The following LAMA2 variants were observed in gnomAD, a reference collection of about 807,000 sequenced individuals.
The protein encoded by LAMA2 is laminin subunit alpha 2.
Under a neutral mutation model 364.8 loss-of-function variants are expected in LAMA2, and 269 were observed. That is an observed-to-expected ratio of 0.74 (90% CI 0.67 to 0.82). LAMA2 has a LOEUF of 0.82. LAMA2 is among the 40% of genes least tolerant of loss of function. The probability of loss-of-function intolerance (pLI) is 0.00; values close to 1 mark genes in which losing one functional copy is unlikely to be tolerated. For missense variants in LAMA2, 3,807 were observed against 3,873.2 expected (o/e 0.98, Z 0.45); for synonymous variants, 1,379 against 1,370.6 (o/e 1.01, Z -0.14).
At chr6:129,494,359 G>A (rs190788193) in intron 58 of LAMA2, among the ~76,000 whole-genome samples, 1 of 152,322 alleles carries the variant, frequency 6.6e-6, no homozygotes, top group East Asian at 1.9e-4. Context: ...TTTACTCCAA[G>A]CATCCTTTCA....
At chr6:129,268,811 TA>T (rs766809012) in intron 16 of LAMA2, among the ~76,000 whole-genome samples, 1 of 152,058 alleles carries the variant, frequency 6.6e-6, no homozygotes, top group Non-Finnish European at 1.5e-5. Context: ...TTTTCCATCA[TA>T]GCTAGTAAAT....
intron 12 of LAMA2, among the ~76,000 whole-genome samples, chr6:129,230,948 G>A (rs1212697840): frequency 6.6e-6 from 1 of 152,016 alleles, no homozygotes; most frequent in East Asian, 1.9e-4. Flanking sequence ...GACTATACAA[G>A]GCCTTAGAGG....
intron 8 of LAMA2, among the ~76,000 whole-genome samples, chr6:129,160,966 C>T (rs1044888551): frequency 2.6e-5 from 4 of 152,052 alleles, no homozygotes; most frequent in African/African-American, 9.7e-5. Flanking sequence ...TCTTGGCAAA[C>T]AAATAAATGT....
At chr6:129,218,609 GA>G (rs1295501417) in intron 12 of LAMA2, among the ~76,000 whole-genome samples, 1 of 152,022 alleles carries the variant, frequency 6.6e-6, no homozygotes, top group East Asian at 1.9e-4. Context: ...TGTACTTTCT[GA>G]AAATTGACTA....
At chr6:128,955,221 A>G (rs754665477) in intron 1 of LAMA2, among the ~76,000 whole-genome samples, 3 of 151,976 alleles carry the variant, frequency 2.0e-5, no homozygotes, top group Admixed American at 6.6e-5. Flanking sequence ...TGGATAGGGC[A>G]TTTATTACAT....
At chr6:129,492,167 T>C in intron 57 of LAMA2, 90 bp downstream of exon 57, 4 of 1,412,122 alleles carry the variant, frequency 2.8e-6, no homozygotes, top group South Asian at 1.2e-5. Flanking sequence ...TCTACAGCTA[T>C]GCAGGGGAGG....
chr6:129,091,761 TA>T (rs946096154), intron 3 of LAMA2, among the ~76,000 whole-genome samples: 2 of 152,232 alleles, frequency 1.3e-5, no homozygotes, highest in African/African-American at 4.8e-5. Flanking sequence ...TAAGGGGACA[TA>T]AAACTCACAC....
At chr6:129,019,098 T>C (rs1785255746) in intron 1 of LAMA2, among the ~76,000 whole-genome samples, 1 of 152,020 alleles carries the variant, frequency 6.6e-6, no homozygotes, top group South Asian at 2.1e-4. Flanking sequence ...GGATCTACCT[T>C]GTCAGGGATC....
chr6:128,976,211 G>T (rs1272098468), intron 1 of LAMA2, among the ~76,000 whole-genome samples: 1 of 152,162 alleles, frequency 6.6e-6, no homozygotes, highest in African/African-American at 2.4e-5. Context: ...GAGGAAGAAG[G>T]CTCTAGGCAT....
intron 1 of LAMA2, among the ~76,000 whole-genome samples, chr6:129,048,493 T>TTTCCTTCCTTCCTTCCTTCCTTCCTTCC (rs1300484688): frequency 1.9e-5 from 1 of 51,306 alleles, no homozygotes; most frequent in African/African-American, 7.6e-5. Flanking sequence ...TCTTTCTTTC[T>TTTCCTTCCTTCCTTCCTTCCTTCCTTCC]TTCCTTCCTT....
At chr6:129,185,329 T>C (rs1781163201) in intron 10 of LAMA2, among the ~76,000 whole-genome samples, 1 of 151,582 alleles carries the variant, frequency 6.6e-6, no homozygotes, top group African/African-American at 2.4e-5. Flanking sequence ...AAAAAGAAAA[T>C]TGATGTCAAC....
At chr6:129,420,588 AC>A (rs1427239461) in intron 40 of LAMA2, among the ~76,000 whole-genome samples, 1 of 152,196 alleles carries the variant, frequency 6.6e-6, no homozygotes, top group Non-Finnish European at 1.5e-5. Context: ...ATTTTTAGTT[AC>A]TACTGTCTTT....
At chr6:129,402,226 AAC>A in intron 38 of LAMA2, 96 bp from the exon 39 acceptor site, 14 of 927,150 alleles carry the variant, frequency 1.5e-5, no homozygotes, top group Non-Finnish European at 1.9e-5. Context: ...AAAAAAAAAA[AAC>A]TAAACTAAAC....
At chr6:129,337,949 A>G (rs1237670000) in intron 29 of LAMA2, among the ~76,000 whole-genome samples, 1 of 152,152 alleles carries the variant, frequency 6.6e-6, no homozygotes, top group Non-Finnish European at 1.5e-5. Flanking sequence ...AAAGTTTCAA[A>G]AAGAGGCTCC....
intron 12 of LAMA2, among the ~76,000 whole-genome samples, chr6:129,219,886 G>A (rs1180499842): frequency 6.7e-6 from 1 of 150,278 alleles, no homozygotes; most frequent in Admixed American, 6.6e-5. Flanking sequence ...GAGTTAATGG[G>A]TGCAGCACAC....
chr6:129,290,008 A>C (rs903052945), intron 19 of LAMA2, among the ~76,000 whole-genome samples: 8 of 152,284 alleles, frequency 5.3e-5, no homozygotes, highest in Admixed American at 2.0e-4. Context: ...AGATTTGTTC[A>C]AGAAAAGTAC....
In LAMA2 at chr6:129,516,231, C is replaced by T. The variant is rs121913571; in HGVS notation, c.9253C>T (p.Arg3085Ter). Residue 3085 changes from arginine to a stop codon, truncating the protein, a stop_gained, in exon 65 of 65, where the codon CGA becomes TGA. Coordinates refer to ENST00000421865, the MANE Select transcript of LAMA2 (RefSeq NM_000426.4). LOFTEE classifies it high-confidence loss of function. Reference sequence around the variant, plus strand: ...TGGCCTAACAACCAGTATTCCGTTCCGAGGTTGCATCAGATCCCTGAAGCT... The same window carrying T: ...TGGCCTAACAACCAGTATTCCGTTCTGAGGTTGCATCAGATCCCTGAAGCT... ...QFGLTTSIPF[R>*]GCIRSLKLTK... 7 of 1,614,050 alleles carry T rather than the reference C, an allele frequency of 4.3e-6. No individual in the cohort carries two copies. The highest frequency in any genetic ancestry group is 5.1e-6 in the Non-Finnish European group (6 of 1,179,984).
At chr6:129,321,713 C>T (rs1774980147) in intron 28 of LAMA2, among the ~76,000 whole-genome samples, 1 of 151,836 alleles carries the variant, frequency 6.6e-6, no homozygotes, top group Non-Finnish European at 1.5e-5. Context: ...AGTTATATAC[C>T]CATGTATTGA....
At chr6:129,496,090 C>T (rs943798143) in intron 58 of LAMA2, among the ~76,000 whole-genome samples, 4 of 152,168 alleles carry the variant, frequency 2.6e-5, no homozygotes, top group Admixed American at 6.5e-5. Flanking sequence ...GGGGGTTACA[C>T]ACATGAGCGA....
Sources: gnomAD v4.1 joint callset for allele counts (sites outside exome capture counted in the v4.1 genomes callset) on GRCh38, gnomAD v4.1.1 for gene constraint, MANE v1.5 for transcripts, NCBI Gene and HGNC (gene_info 2026-07-23, HGNC 2026-07-21) for gene names.